FBXO42: variants seen among roughly 807,000 people sequenced by gnomAD.
FBXO42 encodes the protein F-box only protein 42.
In FBXO42, 12 loss-of-function variants were observed where a neutral mutation model predicts 71.7. The ratio of observed to expected loss-of-function variants is 0.17; its 90% CI spans 0.11 to 0.27. The LOEUF is 0.27. Among genes scored for constraint, FBXO42 ranks in the 10% least tolerant of loss-of-function variants. The pLI is 1.00. For synonymous variants in FBXO42, 325 were observed against 327.5 expected, an observed-to-expected ratio of 0.99 and a Z score of 0.08; for missense variants, 707 against 911.9, an observed-to-expected ratio of 0.78 and a Z score of 2.89.
chr1:16,315,769 C>T (rs368781850), intron 1 of FBXO42, among the ~76,000 whole-genome samples: 1 of 152,170 alleles, frequency 6.6e-6, no homozygotes. Flanking sequence ...GGAAGAGCAA[C>T]TAGCCTCCTT....
intron 1 of FBXO42, among the ~76,000 whole-genome samples, chr1:16,320,932 C>T (rs994629296): frequency 6.6e-6 from 1 of 152,118 alleles, no homozygotes. Flanking sequence ...TAAATAGTTG[C>T]TCCCTTGCAC....
chr1:16,312,725 G>A (rs1471407570), intron 2 of FBXO42, among the ~76,000 whole-genome samples: 9 of 151,996 alleles, frequency 5.9e-5, no homozygotes. Flanking sequence ...CCACTCTGGT[G>A]GGGGATGTTG....
rs545057125 is a variant in FBXO42 at position 16,251,330 on chromosome 1, T to A, written c.1494A>T (p.Gly498=). ...SLPDQKDLRL[G]SIDLNWDLKP... is the part of the protein sequence containing the mutation. ...TCAGATCCCAATTCAGATCTATGGA[T>A]CCTAATCTCAGATCTTTCTGATCTG... The change falls in exon 10 of 10, where the codon GGA becomes GGT. Residue 498 remains glycine, a synonymous_variant. Coordinates refer to ENST00000375592, the MANE Select transcript of FBXO42 (RefSeq NM_018994.3). The surrounding 1 kb of genome is among the most constrained non-coding windows in gnomAD (Gnocchi z 4.5). 3 of 1,614,168 alleles carry A rather than the reference T, an allele frequency of 1.9e-6. No individual in the cohort carries two copies. The East Asian group carries it at 6.7e-5, about 36-fold the overall frequency.
At chr1:16,334,200 A>C (rs1049071663) in intron 1 of FBXO42, among the ~76,000 whole-genome samples, 1 of 152,080 alleles carries the variant, frequency 6.6e-6, no homozygotes, top group Non-Finnish European at 1.5e-5. Flanking sequence ...TTGGGAGGCC[A>C]AGGCGGGCAG....
chr1:16,320,825 C>G (rs887479698), intron 1 of FBXO42, among the ~76,000 whole-genome samples: 10 of 151,962 alleles, frequency 6.6e-5, no homozygotes, highest in Admixed American at 5.9e-4. Context: ...GCCTAACTTT[C>G]TTATATTTTT....
intron 4 of FBXO42, among the ~76,000 whole-genome samples, chr1:16,278,190 C>A (rs2081925307): frequency 6.6e-6 from 1 of 151,304 alleles, no homozygotes. Flanking sequence ...AACTCCATCT[C>A]AACTAAAAAT....
At chr1:16,305,324 G>A (rs1309508303) in intron 3 of FBXO42, among the ~76,000 whole-genome samples, 1 of 152,190 alleles carries the variant, frequency 6.6e-6, no homozygotes, top group East Asian at 1.9e-4. Flanking sequence ...GGAGGTCGAG[G>A]CTGCAGTGAC....
At chr1:16,259,857 C>G (rs1557571672) in intron 4 of FBXO42, among the ~76,000 whole-genome samples, 1 of 151,580 alleles carries the variant, frequency 6.6e-6, no homozygotes, top group African/African-American at 2.4e-5. Flanking sequence ...TAAAAGTATT[C>G]ATAAAACATG....
chr1:16,296,747 T>C (rs772218277), intron 3 of FBXO42, among the ~76,000 whole-genome samples: 5 of 151,980 alleles, frequency 3.3e-5, no homozygotes, highest in Non-Finnish European at 5.9e-5. Context: ...AGCATATTTG[T>C]AGGTCTAATT....
chr1:16,262,572 T>C (rs1334585130), intron 4 of FBXO42, among the ~76,000 whole-genome samples: 1 of 152,026 alleles, frequency 6.6e-6, no homozygotes, highest in Non-Finnish European at 1.5e-5. Context: ...CCAGGTGTGG[T>C]GGCATGTGCC....
intron 1 of FBXO42, among the ~76,000 whole-genome samples, chr1:16,350,901 T>C (rs1000622807): frequency 1.3e-5 from 2 of 152,152 alleles, no homozygotes; most frequent in Admixed American, 1.3e-4. Flanking sequence ...CTATTTATAC[T>C]GGCTTGTCAA....
chr1:16,342,268 T>G (rs1385042804), intron 1 of FBXO42, among the ~76,000 whole-genome samples: 1 of 151,484 alleles, frequency 6.6e-6, no homozygotes, highest in Non-Finnish European at 1.5e-5. Flanking sequence ...TGGTGGCACA[T>G]GCCTGTAATC....
chr1:16,335,879 A>AC (rs1329137765), intron 1 of FBXO42, among the ~76,000 whole-genome samples: 2 of 151,894 alleles, frequency 1.3e-5, no homozygotes, highest in Non-Finnish European at 2.9e-5. Context: ...CAAAAAAAAA[A>AC]AAAAAACCTT....
intron 4 of FBXO42, among the ~76,000 whole-genome samples, chr1:16,280,150 A>G (rs1034096212): frequency 3.3e-5 from 5 of 152,160 alleles, no homozygotes; most frequent in African/African-American, 1.2e-4. Flanking sequence ...ACCAGCCAAC[A>G]ATATGTACTC....
At chr1:16,322,956 G>A (rs1488772267) in intron 1 of FBXO42, among the ~76,000 whole-genome samples, 1 of 152,130 alleles carries the variant, frequency 6.6e-6, no homozygotes, top group Admixed American at 6.6e-5. Context: ...CAGATTTGAG[G>A]GCAATATTTG....
intron 4 of FBXO42, among the ~76,000 whole-genome samples, chr1:16,269,168 A>G (rs1195821897): frequency 6.8e-6 from 1 of 147,984 alleles, no homozygotes; most frequent in Non-Finnish European, 1.5e-5. Context: ...GCAGTGGTGC[A>G]ATTTCAGCTC....
intron 1 of FBXO42, among the ~76,000 whole-genome samples, chr1:16,351,999 G>A (rs1442820798): frequency 6.6e-6 from 1 of 152,172 alleles, no homozygotes; most frequent in Non-Finnish European, 1.5e-5. Flanking sequence ...CGGGTGAGGG[G>A]ACGAGAACCA....
intron 4 of FBXO42, among the ~76,000 whole-genome samples, chr1:16,270,884 C>G (rs1474341396): frequency 6.7e-6 from 1 of 150,068 alleles, no homozygotes; most frequent in East Asian, 1.9e-4. Context: ...CCCCAGGAAG[C>G]GTATAGCTTG....
At chr1:16,321,783 C>T in intron 1 of FBXO42, among the ~76,000 whole-genome samples, 1 of 151,960 alleles carries the variant, frequency 6.6e-6, no homozygotes, top group African/African-American at 2.4e-5. Flanking sequence ...GCCTTGAACT[C>T]CTAGGCTCAA....
Sources: allele counts gnomAD v4.1 joint callset (sites outside exome capture counted in the v4.1 genomes callset), GRCh38; gene constraint gnomAD v4.1.1; non-coding constraint Gnocchi (gnomAD v3.1); transcripts MANE v1.5; gene names NCBI Gene and HGNC (gene_info 2026-07-23, HGNC 2026-07-21).